The following PFDN1 variants were observed in gnomAD, a reference collection of about 807,000 sequenced individuals.
PFDN1 encodes the protein prefoldin 1.
PFDN1 carries 6 observed loss-of-function variants against 17.3 expected under a neutral mutation model. The observed-to-expected ratio is 0.35, with a 90% CI of 0.19 to 0.69. PFDN1 has a LOEUF of 0.69. Among genes scored for constraint, PFDN1 ranks in the 30% least tolerant of loss-of-function variants. The pLI, the probability that PFDN1 is intolerant of heterozygous loss-of-function variation, is 0.65. For missense variants in PFDN1, 113 were observed against 146.2 expected, an observed-to-expected ratio of 0.77 and a Z score of 1.17; for synonymous variants, 58 against 50.1, an observed-to-expected ratio of 1.16 and a Z score of -0.67.
At chr5:140,279,568 A>G (rs13183810) in intron 3 of PFDN1, among the ~76,000 whole-genome samples, 21,574 of 151,840 alleles carry the variant, frequency 0.14, 1,887 homozygotes, top group South Asian at 0.28. Context: ...GCCTCAGGCA[A>G]TCCTCCCGCT....
chr5:140,287,688 T>C (rs912111663), intron 2 of PFDN1, among the ~76,000 whole-genome samples: 1 of 152,076 alleles, frequency 6.6e-6, no homozygotes, highest in African/African-American at 2.4e-5. Context: ...GCAAAACACA[T>C]ATCTGATAAA....
chr5:140,252,121 C>T (rs920053319), intron 3 of PFDN1, among the ~76,000 whole-genome samples: 13 of 151,904 alleles, frequency 8.6e-5, no homozygotes, highest in Non-Finnish European at 1.3e-4. Flanking sequence ...ATCCCTCCAC[C>T]CCCACCCCAC....
chr5:140,273,795 T>C (rs1765248500), intron 3 of PFDN1: 2 of 412,920 alleles, frequency 4.8e-6, no homozygotes, highest in Non-Finnish European at 6.5e-6. Flanking sequence ...ATTGCTGAGC[T>C]AACCAGGGTG....
chr5:140,246,794 A>G (rs978949660), intron 3 of PFDN1, among the ~76,000 whole-genome samples: 3 of 152,178 alleles, frequency 2.0e-5, no homozygotes, highest in Admixed American at 6.5e-5. Context: ...CCCTGTGCTC[A>G]CCCCAGAAGT....
Position 140,266,835 on chromosome 5 carries a change from G to A in PFDN1, c.285+14614C>T, listed in dbSNP as rs551688916. Among the ~76,000 whole-genome samples, 184 of 152,392 alleles carry A rather than the reference G, an allele frequency of 1.2e-3. 2 individuals are homozygous for A. The highest frequency in any genetic ancestry group is 3.8e-3 in the African/African-American group (160 of 41,594). On this transcript the variant is annotated intron_variant, in intron 3 of 3. Transcript: ENST00000261813. ...CTTTACAAGCAAGTACTAGACTGCT[G>A]TCTCTATAGAGAGCTGCTTCTATTA...
chr5:140,298,459 G>C (rs1188459166), intron 2 of PFDN1, among the ~76,000 whole-genome samples: 5 of 149,698 alleles, frequency 3.3e-5, no homozygotes, highest in African/African-American at 4.9e-5. Flanking sequence ...CCCTCCTCCT[G>C]TACCTCCCCC....
At chr5:140,263,516 CA>C (rs1426256672) in intron 3 of PFDN1, among the ~76,000 whole-genome samples, 1 of 152,212 alleles carries the variant, frequency 6.6e-6, no homozygotes, top group Non-Finnish European at 1.5e-5. Flanking sequence ...TGTCTCCCTT[CA>C]TCCTAACACT....
At chr5:140,293,153 T>C (rs1765603424) in intron 2 of PFDN1, 1 of 152,132 alleles carries the variant, frequency 6.6e-6, no homozygotes, top group Non-Finnish European at 1.5e-5. Flanking sequence ...AGTTCAAGAC[T>C]GCTGCTACCT....
At chr5:140,278,728 T>A (rs1444032900) in intron 3 of PFDN1, among the ~76,000 whole-genome samples, 1 of 152,172 alleles carries the variant, frequency 6.6e-6, no homozygotes. Flanking sequence ...TAGAGGAAGA[T>A]TCATCACATC....
At chr5:140,272,507 C>T (rs991868053) in intron 3 of PFDN1, among the ~76,000 whole-genome samples, 5 of 150,794 alleles carry the variant, frequency 3.3e-5, no homozygotes, top group Admixed American at 6.6e-5. Context: ...TTACAGGCGC[C>T]CACCACCACG....
chr5:140,280,220 G>A (rs1765379498), intron 3 of PFDN1, among the ~76,000 whole-genome samples: 1 of 149,286 alleles, frequency 6.7e-6, no homozygotes, highest in South Asian at 2.1e-4. Flanking sequence ...TATTCATTAG[G>A]ATAATTTTAA....
At chr5:140,299,955 T>C (rs1765716705) in intron 2 of PFDN1, among the ~76,000 whole-genome samples, 2 of 152,132 alleles carry the variant, frequency 1.3e-5, no homozygotes. Context: ...GAGATTGCAG[T>C]GAGCCAAGAT....
intron 2 of PFDN1, among the ~76,000 whole-genome samples, chr5:140,287,274 T>C (rs1299467317): frequency 6.6e-6 from 1 of 152,248 alleles, no homozygotes; most frequent in African/African-American, 2.4e-5. Context: ...AAGGCTAAAA[T>C]GAACCCTGTG....
intron 2 of PFDN1, among the ~76,000 whole-genome samples, chr5:140,291,912 G>A (rs1765588158): frequency 6.6e-6 from 1 of 152,130 alleles, no homozygotes; most frequent in African/African-American, 2.4e-5. Flanking sequence ...GGAATTACTG[G>A]AGAATCACTG....
intron 3 of PFDN1, among the ~76,000 whole-genome samples, chr5:140,265,237 T>C (rs1254554157): frequency 6.6e-6 from 1 of 151,962 alleles, no homozygotes; most frequent in Non-Finnish European, 1.5e-5. Flanking sequence ...ACCAAGGGAG[T>C]TGAGAGCAAC....
intron 3 of PFDN1, among the ~76,000 whole-genome samples, chr5:140,276,061 T>TG (rs1765288208): frequency 6.7e-6 from 1 of 149,602 alleles, no homozygotes. Context: ...ATGATGATGA[T>TG]AATTACAGAG....
chr5:140,280,014 C>CCAAAAAAAAAAAA (rs1335205089), intron 3 of PFDN1, among the ~76,000 whole-genome samples: 3 of 99,106 alleles, frequency 3.0e-5, no homozygotes, highest in Admixed American at 1.1e-4. Flanking sequence ...AAAAAAAAAA[C>CCAAAAAAAAAAAA]AAAAAAAGAA....
chr5:140,288,518 G>A (rs1201430864), intron 2 of PFDN1, among the ~76,000 whole-genome samples: 5 of 152,120 alleles, frequency 3.3e-5, no homozygotes, highest in African/African-American at 1.2e-4. Context: ...TGTAAACTAT[G>A]GATCTTAGTT....
chr5:140,249,466 C>G (rs1237774425), intron 3 of PFDN1, among the ~76,000 whole-genome samples: 2 of 152,178 alleles, frequency 1.3e-5, no homozygotes, highest in Non-Finnish European at 2.9e-5. Context: ...TTACCCAGGC[C>G]TCTGCAATTC....
Sources: allele counts gnomAD v4.1 joint callset (sites outside exome capture counted in the v4.1 genomes callset), GRCh38; gene constraint gnomAD v4.1.1; transcripts MANE v1.5; gene names NCBI Gene and HGNC (gene_info 2026-07-23, HGNC 2026-07-21).